The following TMEM242 variants were observed in gnomAD, a reference collection of about 807,000 sequenced individuals.
The protein encoded by TMEM242 is UPF0463 transmembrane protein C6orf35.
A neutral mutation model predicts 18.2 loss-of-function variants in TMEM242; 10 were observed. The observed-to-expected ratio is 0.55, with a 90% CI of 0.34 to 0.93. TMEM242 has a LOEUF of 0.93. TMEM242 is among the 40% of genes least tolerant of loss of function. TMEM242 has a pLI of 0.02. For missense variants in TMEM242, 186 were observed against 175.5 expected (o/e 1.06, Z -0.34); for synonymous variants, 57 against 69.9 (o/e 0.81, Z 0.92).
intron 3 of TMEM242, among the ~76,000 whole-genome samples, chr6:157,293,431 C>T (rs1554246971): frequency 6.6e-6 from 1 of 152,122 alleles, no homozygotes; most frequent in Non-Finnish European, 1.5e-5. Context: ...CGTCAACTCT[C>T]CATAATAATT....
chr6:157,314,817 G>A (rs1778359260), intron 3 of TMEM242, among the ~76,000 whole-genome samples: 2 of 152,176 alleles, frequency 1.3e-5, no homozygotes, highest in South Asian at 2.1e-4. Context: ...TAAAGAAACC[G>A]AAGTTTCACT....
Position 157,311,137 on chromosome 6 carries a change from TCCCAGTGTGCACTCACCTA to T in TMEM242, c.327+7626_327+7644del, listed in dbSNP as rs1562382602. The stretch of plus-strand genomic sequence containing the variant: ...GCACTCACCTAGCCCCATCATAGTG[TCCCAGTGTGCACTCACCTA>T]GCCCCATCATAGTGTCCGAATGTGC... On this transcript the variant is annotated intron_variant, in intron 3 of 3. Transcript: ENST00000400788. 9.0e-4 allele frequency among the ~76,000 whole-genome samples: 60 copies of T among 66,348 alleles called. 5 individuals are homozygous for T. The highest frequency in any genetic ancestry group is 0.014 in the Middle Eastern group (1 of 74). The allele number at this position is 66,348 out of a possible 152,430, so 43.5% of individuals were successfully genotyped here.
At chr6:157,299,407 C>G in intron 3 of TMEM242, 1 of 1,268,526 alleles carries the variant, frequency 7.9e-7, no homozygotes, top group Non-Finnish European at 1.2e-6. Context: ...TCACTCCACT[C>G]CATACAGGAA....
chr6:157,300,634 T>G (rs1554247467), intron 3 of TMEM242, among the ~76,000 whole-genome samples: 1 of 152,176 alleles, frequency 6.6e-6, no homozygotes, highest in African/African-American at 2.4e-5. Context: ...GAGGCCTATT[T>G]ATAAAGGATC....
In TMEM242 at chr6:157,292,938, G is replaced by C; in HGVS notation, c.389C>G (p.Ser130Trp). The change falls in exon 4 of 4, where the codon TCG becomes TGG. Residue 130 changes from serine (S) to tryptophan (W), a missense_variant. Transcript: ENST00000400788. The stretch of plus-strand genomic sequence containing the variant: ...CAATGTTTCCTCCCACTCAACAGCC[G>C]ATTCGGAGTTCTTGGGAATTGTTGG... The part of the protein sequence containing the change: ...IFPTIPKNSE[S>W]AVEWEETLKS... 1 of 1,613,478 alleles carries C rather than the reference G, an allele frequency of 6.2e-7. No homozygotes were observed. The highest frequency in any genetic ancestry group is 8.5e-7 in the Non-Finnish European group (1 of 1,179,534).
chr6:157,293,384 A>AAACC lies in TMEM242; in HGVS notation c.328-389_328-386dup, dbSNP rs1554246967. ...CAAACAAACAAACAAACAAACAAAC[A>AAACC]AACCACTCTTAATCTGCAAGGCAAC... On this transcript the variant is annotated intron_variant, in intron 3 of 3. Transcript: ENST00000400788. 5.4e-3 allele frequency among the ~76,000 whole-genome samples: 819 copies of AAACC among 151,534 alleles called. 9 individuals are homozygous for AAACC. The highest frequency in any genetic ancestry group is 0.019 in the African/African-American group (773 of 41,252).
At chr6:157,299,702 C>T (rs1311007361) in intron 3 of TMEM242, 184 of 1,610,304 alleles carry the variant, frequency 1.1e-4, no homozygotes, top group Non-Finnish European at 1.2e-4. Context: ...GCGCGTTTCT[C>T]CCTTTTCTTG....
chr6:157,306,404 C>A (rs141374845), intron 3 of TMEM242, among the ~76,000 whole-genome samples: 4 of 152,128 alleles, frequency 2.6e-5, no homozygotes. Flanking sequence ...TGATTAGATG[C>A]AGGGGTGAGA....
At chr6:157,310,496 T>C (rs979245561) in intron 3 of TMEM242, among the ~76,000 whole-genome samples, 5 of 9,276 alleles carry the variant, frequency 5.4e-4, no homozygotes, top group Non-Finnish European at 8.2e-4. Flanking sequence ...AGCCTCATCA[T>C]AGTGTCCCAG....
At chr6:157,307,666 T>C (rs1184371388) in intron 3 of TMEM242, among the ~76,000 whole-genome samples, 1 of 152,204 alleles carries the variant, frequency 6.6e-6, no homozygotes, top group African/African-American at 2.4e-5. Context: ...AGAGATGTTC[T>C]TGTCACCTCT....
chr6:157,303,621 G>A (rs888349621), intron 3 of TMEM242, among the ~76,000 whole-genome samples: 9 of 152,096 alleles, frequency 5.9e-5, no homozygotes, highest in African/African-American at 1.9e-4. Flanking sequence ...AAAATAATCA[G>A]CACACAGAAC....
chr6:157,316,810 C>A (rs1778400076), intron 3 of TMEM242, among the ~76,000 whole-genome samples: 1 of 152,114 alleles, frequency 6.6e-6, no homozygotes, highest in African/African-American at 2.4e-5. Flanking sequence ...CAGGAGGCTG[C>A]AGTGAGCTGA....
intron 3 of TMEM242, among the ~76,000 whole-genome samples, chr6:157,314,396 T>C (rs141597689): frequency 0.16 from 84 of 532 alleles, no homozygotes; most frequent in Admixed American, 0.28. Context: ...ACAGCTGATT[T>C]AGGAGACTAC....
intron 2 of TMEM242, 53 bp downstream of exon 2, chr6:157,322,652 G>T: frequency 6.8e-7 from 1 of 1,477,242 alleles, no homozygotes; most frequent in African/African-American, 1.4e-5. Context: ...CGCAAAAGCT[G>T]CCATATATTG....
chr6:157,311,971 T>G (rs797030671), intron 3 of TMEM242, among the ~76,000 whole-genome samples: 3 of 13,478 alleles, frequency 2.2e-4, no homozygotes, highest in Middle Eastern at 0.056. Context: ...TGCAATCACC[T>G]GGCCTCATCA....
At chr6:157,313,076 A>ACCTAGCC (rs1778240673) in intron 3 of TMEM242, among the ~76,000 whole-genome samples, 1 of 19,298 alleles carries the variant, frequency 5.2e-5, no homozygotes, top group African/African-American at 2.0e-4. Context: ...GGGTCCCAGT[A>ACCTAGCC]TGCACTCACC....
At chr6:157,293,443 T>C (rs1777710327) in intron 3 of TMEM242, among the ~76,000 whole-genome samples, 1 of 152,136 alleles carries the variant, frequency 6.6e-6, no homozygotes, top group South Asian at 2.1e-4. Context: ...ATAATAATTA[T>C]TCCCTCCCAG....
intron 3 of TMEM242, among the ~76,000 whole-genome samples, chr6:157,310,518 C>G: frequency 6.9e-6 from 1 of 145,582 alleles, no homozygotes; most frequent in East Asian, 2.1e-4. Flanking sequence ...GTACACTCAC[C>G]TGGCCTCATC....
At chr6:157,300,750 C>T (rs1554247482) in intron 3 of TMEM242, among the ~76,000 whole-genome samples, 1 of 152,188 alleles carries the variant, frequency 6.6e-6, no homozygotes, top group African/African-American at 2.4e-5. Context: ...TAAAAATTCA[C>T]CAGGCGAGAA....
Sources: allele counts gnomAD v4.1 joint callset (sites outside exome capture counted in the v4.1 genomes callset), GRCh38; gene constraint gnomAD v4.1.1; transcripts MANE v1.5; gene names NCBI Gene and HGNC (gene_info 2026-07-23, HGNC 2026-07-21).